CAPN1: variants seen among roughly 807,000 people sequenced by gnomAD.
CAPN1 encodes calpain-1 catalytic subunit.
A neutral mutation model predicts 105.2 loss-of-function variants in CAPN1; 77 were observed. That is an observed-to-expected ratio of 0.73 (90% CI 0.61 to 0.88). CAPN1 has a LOEUF of 0.88. Among genes scored for constraint, CAPN1 ranks in the 40% least tolerant of loss-of-function variants. CAPN1 has a pLI of 0.00. For missense variants in CAPN1, 833 were observed against 976.6 expected (o/e 0.85, Z 1.96); for synonymous variants, 355 against 388.8 (o/e 0.91, Z 1.02).
intron 6 of CAPN1, among the ~76,000 whole-genome samples, chr11:65,186,990 C>T (rs1339213961): frequency 1.3e-5 from 2 of 152,270 alleles, no homozygotes; most frequent in East Asian, 1.9e-4. Flanking sequence ...TGCCTGGGCT[C>T]CCCTGTCCCA....
chr11:65,198,715 C>T (rs1026803851), intron 10 of CAPN1, among the ~76,000 whole-genome samples: 1 of 152,166 alleles, frequency 6.6e-6, no homozygotes, highest in East Asian at 1.9e-4. Context: ...TTTGTATTTC[C>T]TTTGTTTTGT....
Position 65,182,897 on chromosome 11 carries a change from C to A in CAPN1, c.196C>A (p.Gln66Lys). Reference sequence around the variant, plus strand: ...TGATGAGGCCTTCCCCCCGGTACCCCAGAGCCTGGGTTACAAGGACCTGGG... The same window carrying A: ...TGATGAGGCCTTCCCCCCGGTACCCAAGAGCCTGGGTTACAAGGACCTGGG... ...FRDEAFPPVP[Q>K]SLGYKDLGPN... Residue 66 changes from glutamine (Q) to lysine (K), a missense_variant, in exon 2 of 22, where the codon CAG becomes AAG. Gln to Lys is a moderately conservative substitution (Grantham distance 53, BLOSUM62 1). Transcript: ENST00000279247. 6.2e-7 allele frequency: 1 copy of A among 1,608,532 alleles called. No individual in the cohort carries two copies. The highest frequency in any genetic ancestry group is 1.1e-5 in the South Asian group (1 of 90,072).
At position 65,209,796 on chromosome 11, in the gene CAPN1, A is replaced by G; in HGVS notation, c.1795-53A>G. 2 of 1,571,784 alleles carry G rather than the reference A, an allele frequency of 1.3e-6. No individual in the cohort carries two copies. The highest frequency in any genetic ancestry group is 1.7e-6 in the Non-Finnish European group (2 of 1,149,114). On this transcript the variant is annotated intron_variant, in intron 17 of 21. Transcript: ENST00000279247. The surrounding 1 kb of genome is among the most constrained non-coding windows in gnomAD (Gnocchi z 4.1). ...CATCTCCCCTTCTGCACAGTTGCCC[A>G]CTCTCCCATGACTGGTCTAAGTGAT... is the stretch of plus-strand genomic sequence containing the variant.
chr11:65,183,626 C>A, intron 4 of CAPN1, 34 bp downstream of exon 4: 1 of 1,436,570 alleles, frequency 7.0e-7, no homozygotes, highest in Non-Finnish European at 9.8e-7. Context: ...GGGCAGCAGG[C>A]ACTGGGGGAG....
chr11:65,209,412 C>G lies in CAPN1; in HGVS notation c.1794+25C>G, dbSNP rs142373131. ...TGTATCCTTCCGTTTGCTTTTGTCTCCTGAGTGGGGTTTTGGGTGGAGGTA... is the reference window on the plus strand; with the variant it reads ...TGTATCCTTCCGTTTGCTTTTGTCTGCTGAGTGGGGTTTTGGGTGGAGGTA... On this transcript the variant is annotated intron_variant, in intron 17 of 21. Transcript: ENST00000279247. The surrounding 1 kb of genome is among the most constrained non-coding windows in gnomAD (Gnocchi z 4.1). The G allele has an allele frequency of 6.2e-7, 1 of 1,604,500 alleles. No homozygotes were observed. The highest frequency in any genetic ancestry group is 1.7e-5 in the Admixed American group (1 of 59,218).
At chr11:65,206,698 CA>C (rs1948965767) in intron 13 of CAPN1, 24 bp downstream of exon 13, 1 of 1,611,058 alleles carries the variant, frequency 6.2e-7, no homozygotes, top group Non-Finnish European at 8.5e-7. Context: ...TGGCCCCTGC[CA>C]CTCTCCCCTC....
Position 65,186,754 on chromosome 11 carries a change from C to T in CAPN1, c.759+416C>T, listed in dbSNP as rs147361128. Among the ~76,000 whole-genome samples, 8 of 152,224 alleles carry T rather than the reference C, an allele frequency of 5.3e-5. No individual in the cohort carries two copies. In the East Asian group the frequency reaches 1.2e-3, roughly 22 times the overall value. ...GCTCCTCTGTTCCCACACTCAACTCCGCTCCCCAGTCCTCAACGCCAGACT... is the reference window on the plus strand; with the variant it reads ...GCTCCTCTGTTCCCACACTCAACTCTGCTCCCCAGTCCTCAACGCCAGACT... On this transcript the variant is annotated intron_variant, in intron 6 of 21. Transcript: ENST00000279247.
At chr11:65,183,229 T>A in intron 3 of CAPN1, 32 bp downstream of exon 3, 1 of 1,600,940 alleles carries the variant, frequency 6.2e-7, no homozygotes, top group Non-Finnish European at 8.6e-7. Flanking sequence ...TCCCGGGTAT[T>A]TTTTCCACAG....
At chr11:65,197,773 A>G (rs1407542679) in intron 10 of CAPN1, among the ~76,000 whole-genome samples, 1 of 151,544 alleles carries the variant, frequency 6.6e-6, no homozygotes, top group African/African-American at 2.4e-5. Flanking sequence ...CTGTAATGCC[A>G]GCTACTAGGG....
rs2271446 is a variant in CAPN1, at chr11:65,210,312, C to T, written c.1943-24C>T. ...TTGGGCAGGGGCTGCGCCTCACTGA[C>T]CTTCACTCACTCTCCTGGACCAGGC... is the stretch of plus-strand genomic sequence containing the variant. On this transcript the variant is annotated intron_variant, in intron 19 of 21. Transcript: ENST00000279247. The surrounding 1 kb of genome is among the most constrained non-coding windows in gnomAD (Gnocchi z 4.3). 158,406 of 1,538,342 alleles carry T rather than the reference C, an allele frequency of 0.1. 11,436 individuals are homozygous for T. Among genetic ancestry groups the T allele is most frequent in the African/African-American group, 0.3 (22,363 of 73,356 alleles).
rs1448003642 is a variant in CAPN1, at chr11:65,209,326, A to T, written c.1733A>T (p.Lys578Ile). 1.2e-6 allele frequency: 2 copies of T among 1,613,372 alleles called. 1 individual carries two copies. The highest frequency in any genetic ancestry group is 1.7e-6 in the Non-Finnish European group (2 of 1,179,640). Residue 578 changes from lysine to isoleucine, a missense_variant, in exon 17 of 22, where the codon AAA becomes ATA. By Grantham distance (102) the Lys-to-Ile change is moderately radical. Coordinates refer to ENST00000279247, the MANE Select transcript of CAPN1 (RefSeq NM_005186.4). The surrounding 1 kb of genome is among the most constrained non-coding windows in gnomAD (Gnocchi z 4.1). ...TTGGAATTGGTTTTTCTTGCAGACA[A>T]AGACCTGCGGACCAAGGGCTTCAGC... is the stretch of plus-strand genomic sequence containing the variant. ...TILNRIISKHKDLRTKGFSLE... is the reference protein window; with the variant it reads ...TILNRIISKHIDLRTKGFSLE...
Position 65,209,151 on chromosome 11 carries a change from C to T in CAPN1, c.1730-172C>T, listed in dbSNP as rs1590867288. 8.8e-5 allele frequency: 54 copies of T among 616,214 alleles called. 1 individual carries two copies. In the South Asian group the frequency reaches 9.6e-4, roughly 11 times the overall value. The allele number at this position is 616,214 out of a possible 1,614,324, so 38.2% of individuals were successfully genotyped here. On this transcript the variant is annotated intron_variant, in intron 16 of 21. Coordinates refer to ENST00000279247, the MANE Select transcript of CAPN1 (RefSeq NM_005186.4). This position sits in a 1 kb window ranked among gnomAD's most constrained non-coding sequence, Gnocchi z 4.1. ...GGACTTTGGCTTGATTGCTAAAATACTTTACTTGTACTTCCTGATGATACA... is the reference window on the plus strand; with the variant it reads ...GGACTTTGGCTTGATTGCTAAAATATTTTACTTGTACTTCCTGATGATACA...
chr11:65,202,473 C>T (rs775625157), intron 10 of CAPN1, among the ~76,000 whole-genome samples: 21 of 151,878 alleles, frequency 1.4e-4, no homozygotes, highest in Non-Finnish European at 2.1e-4. Flanking sequence ...GATGGAGTCT[C>T]GCTCTGTCAC....
chr11:65,190,482 A>T (rs1041828134), intron 10 of CAPN1, among the ~76,000 whole-genome samples: 1 of 152,068 alleles, frequency 6.6e-6, no homozygotes, highest in South Asian at 2.1e-4. Flanking sequence ...TCCCTGTACC[A>T]TTTATTGAGA....
rs1469171884 is a variant in CAPN1 at position 65,182,683 on chromosome 11, G to C, written c.-1-18G>C. ...CTTGGGAAGGCCTGGGTTCTGAGCAGGCCCATCTGTCCGGCAGGATGTCGG... is the reference window on the plus strand; with the variant it reads ...CTTGGGAAGGCCTGGGTTCTGAGCACGCCCATCTGTCCGGCAGGATGTCGG... On this transcript the variant is annotated intron_variant, in intron 1 of 21. Transcript: ENST00000279247. The C allele has an allele frequency of 6.6e-7, 1 of 1,525,178 alleles. No individual in the cohort carries two copies. Among genetic ancestry groups the C allele is most frequent in the Admixed American group, 2.0e-5 (1 of 50,268 alleles). 94.5% of individuals were successfully genotyped at this position (1,525,178 alleles called of 1,614,324 possible).
chr11:65,186,329 C>T lies in CAPN1; in HGVS notation c.750C>T (p.Cys250=). The T allele has an allele frequency of 6.2e-7, 1 of 1,611,540 alleles. No individual in the cohort carries two copies. The highest frequency in any genetic ancestry group is 8.5e-7 in the Non-Finnish European group (1 of 1,178,622). The change falls in exon 6 of 22, where the codon TGC becomes TGT. Residue 250 remains cysteine, a synonymous_variant. Coordinates refer to ENST00000279247, the MANE Select transcript of CAPN1 (RefSeq NM_005186.4). ...TGGAGCGGGGCTCCCTGCTGGGCTG[C>T]TCCATAGACGTGAGTGTGCCCGGCC... ...KALERGSLLG[C]SIDISSVLDM...
At chr11:65,207,940 C>G (rs1948985967) in intron 14 of CAPN1, 115 bp from the exon 15 acceptor site, 1 of 684,296 alleles carries the variant, frequency 1.5e-6, no homozygotes. Flanking sequence ...AAAAGTGAGG[C>G]TCAGAGAAGC....
At chr11:65,199,417 A>T (rs1261566976) in intron 10 of CAPN1, among the ~76,000 whole-genome samples, 1 of 151,646 alleles carries the variant, frequency 6.6e-6, no homozygotes, top group Non-Finnish European at 1.5e-5. Context: ...GGAGGTATGG[A>T]TTTCTTTTCA....
At position 65,188,039 on chromosome 11, in the gene CAPN1, A is replaced by T; in HGVS notation, c.928A>T (p.Ser310Cys). The change falls in exon 8 of 22, where the codon AGC becomes TGC. Residue 310 changes from serine (S) to cysteine (C), a missense_variant and splice_region_variant. Transcript: ENST00000279247. The surrounding 1 kb of genome is among the most constrained non-coding windows in gnomAD (Gnocchi z 5.5). ...EVEWTGAWSDSSSEWNNVDPY... is the reference protein window; with the variant it reads ...EVEWTGAWSDCSSEWNNVDPY... ...GGAGTGGACGGGAGCCTGGAGCGAC[A>T]GGTGAGGGGCAGTGGGCACTGTCTG... 1 of 1,555,526 alleles carries T rather than the reference A, an allele frequency of 6.4e-7. No individual in the cohort carries two copies. Among genetic ancestry groups the T allele is most frequent in the East Asian group, 2.4e-5 (1 of 41,276 alleles).
Sources: allele counts gnomAD v4.1 joint callset (sites outside exome capture counted in the v4.1 genomes callset), GRCh38; gene constraint gnomAD v4.1.1; non-coding constraint Gnocchi (gnomAD v3.1); transcripts MANE v1.5; gene names NCBI Gene and HGNC (gene_info 2026-07-23, HGNC 2026-07-21).